Variants in PCDH15 observed in about 807,000 individuals in gnomAD.
PCDH15 encodes protocadherin related 15.
In PCDH15, 129 loss-of-function variants were observed where a neutral mutation model predicts 178.5. The observed-to-expected ratio is 0.72, with a 90% CI of 0.63 to 0.84. The LOEUF is 0.84. Ranked by LOEUF, PCDH15 falls within the 40% of genes least tolerant of loss-of-function variation. The pLI is 0.00. For missense variants in PCDH15, 2,230 were observed against 2,099.9 expected (o/e 1.06, Z -1.21); for synonymous variants, 800 against 732.0 (o/e 1.09, Z -1.50).
intron 20 of PCDH15, among the ~76,000 whole-genome samples, chr10:54,011,386 A>G (rs2092580347): frequency 1.3e-5 from 2 of 152,234 alleles, no homozygotes; most frequent in Admixed American, 1.3e-4. Context: ...GTGGAGCACC[A>G]AGAGACAAGT....
intron 1 of PCDH15, among the ~76,000 whole-genome samples, chr10:55,275,198 A>T (rs1319703260): frequency 1.3e-5 from 2 of 152,088 alleles, no homozygotes; most frequent in Non-Finnish European, 2.9e-5. Flanking sequence ...AAATTTATTC[A>T]TTCATAAGAA....
At position 54,739,565 on chromosome 10, in the gene PCDH15, A is replaced by G. The variant is rs1174783991; in HGVS notation, c.-29+61360T>C. On this transcript the variant is annotated intron_variant, in intron 1 of 37. Transcript: ENST00000644397. ...CAATGACATTCTTCACAAAATCGAA[A>G]AAAAAAAAAAGCTAAAATTTGTATG... 2.0e-5 allele frequency among the ~76,000 whole-genome samples: 3 copies of G among 151,560 alleles called. No individual in the cohort carries two copies. In the East Asian group the frequency reaches 5.8e-4, roughly 29 times the overall value.
intron 2 of PCDH15, among the ~76,000 whole-genome samples, chr10:55,569,163 A>G (rs1250783239): frequency 6.6e-6 from 1 of 152,038 alleles, no homozygotes; most frequent in African/African-American, 2.4e-5. Context: ...AATGACCTGG[A>G]TCTATAAGAT....
chr10:55,582,628 A>ATATATATATTTTTTTTTTTTTT (rs780312007), intron 2 of PCDH15, among the ~76,000 whole-genome samples: 1 of 69,032 alleles, frequency 1.4e-5, no homozygotes, highest in African/African-American at 6.6e-5. Flanking sequence ...ATATATATAT[A>ATATATATATTTTTTTTTTTTTT]TTTTTTTTTT....
intron 2 of PCDH15, among the ~76,000 whole-genome samples, chr10:55,560,575 C>T (rs1218613207): frequency 6.6e-6 from 1 of 151,846 alleles, no homozygotes; most frequent in East Asian, 1.9e-4. Flanking sequence ...CAAAAGTAAG[C>T]ATTTTGAAAG....
At chr10:54,448,876 C>G (rs1208713897) in intron 3 of PCDH15, among the ~76,000 whole-genome samples, 13 of 151,740 alleles carry the variant, frequency 8.6e-5, no homozygotes, top group Admixed American at 6.6e-5. Context: ...GTCTTTCGGG[C>G]ACAATGTGAA....
At chr10:54,067,032 T>G (rs1042841103) in intron 17 of PCDH15, 147 bp from the exon 18 acceptor site, 2 of 652,564 alleles carry the variant, frequency 3.1e-6, no homozygotes, top group East Asian at 3.4e-5. Context: ...AATAAAAAAA[T>G]AAAAAAATTA....
At chr10:53,823,397 G>T (rs2076444947) in intron 32 of PCDH15, 1 of 1,566,778 alleles carries the variant, frequency 6.4e-7, no homozygotes, top group Non-Finnish European at 8.8e-7. Context: ...AAGGAAACAA[G>T]TTGTGACACA....
At chr10:55,193,009 G>A (rs1332613428) in intron 1 of PCDH15, among the ~76,000 whole-genome samples, 1 of 115,248 alleles carries the variant, frequency 8.7e-6, no homozygotes, top group Non-Finnish European at 1.8e-5. Context: ...TTTGATAATT[G>A]CAAGATACTT....
intron 3 of PCDH15, among the ~76,000 whole-genome samples, chr10:54,889,063 A>AC (rs1429846640): frequency 1.3e-5 from 2 of 151,900 alleles, no homozygotes; most frequent in Admixed American, 1.3e-4. Context: ...ACAGGCCAAA[A>AC]CCAAGTTATG....
chr10:54,219,693 G>A (rs2052569838), intron 9 of PCDH15, among the ~76,000 whole-genome samples: 1 of 146,976 alleles, frequency 6.8e-6, no homozygotes, highest in African/African-American at 2.5e-5. Flanking sequence ...CCCTTTCCGA[G>A]AAAAACAAAA....
Position 53,897,437 on chromosome 10 carries a change from C to T in PCDH15, c.3501+5806G>A, listed in dbSNP as rs2593121. On this transcript the variant is annotated intron_variant, in intron 26 of 37. Transcript: ENST00000644397. The stretch of plus-strand genomic sequence containing the variant: ...GTTTAAAAAATTTTAAAGTTTAAAA[C>T]ATTTTATAAATTAAAAATAGTTTAA... Among the ~76,000 whole-genome samples, 3 of 152,174 alleles carry T rather than the reference C, an allele frequency of 2.0e-5. No individual in the cohort carries two copies. The South Asian group carries it at 6.2e-4, about 32-fold the overall frequency.
intron 1 of PCDH15, among the ~76,000 whole-genome samples, chr10:55,216,694 T>C (rs1179934117): frequency 6.6e-6 from 1 of 151,942 alleles, no homozygotes; most frequent in Non-Finnish European, 1.5e-5. Context: ...TTAAAACATG[T>C]TGTACTCCAT....
At chr10:53,957,099 T>A (rs2087685953) in intron 23 of PCDH15, among the ~76,000 whole-genome samples, 1 of 152,186 alleles carries the variant, frequency 6.6e-6, no homozygotes, top group Non-Finnish European at 1.5e-5. Context: ...GAGCTCTAAA[T>A]GAAAACCTAG....
chr10:55,414,834 T>C (rs1432031880), intron 2 of PCDH15, among the ~76,000 whole-genome samples: 1 of 150,562 alleles, frequency 6.6e-6, no homozygotes, highest in Non-Finnish European at 1.5e-5. Flanking sequence ...ATAGAGTCTT[T>C]AGGGTTTTCT....
At chr10:54,829,316 C>T (rs1387923976) in intron 3 of PCDH15, among the ~76,000 whole-genome samples, 1 of 151,924 alleles carries the variant, frequency 6.6e-6, no homozygotes, top group Non-Finnish European at 1.5e-5. Context: ...AATTGCAGAA[C>T]TGTAACCAAT....
intron 2 of PCDH15, among the ~76,000 whole-genome samples, chr10:55,395,287 G>A (rs746277210): frequency 1.7e-4 from 25 of 151,192 alleles, no homozygotes; most frequent in Non-Finnish European, 2.2e-4. Flanking sequence ...ACTTTAATGC[G>A]TTATAAACCT....
At chr10:55,000,102 G>C (rs1839764483) in intron 2 of PCDH15, among the ~76,000 whole-genome samples, 1 of 152,174 alleles carries the variant, frequency 6.6e-6, no homozygotes, top group Non-Finnish European at 1.5e-5. Context: ...CTTATCAGGA[G>C]ACATGGTTTG....
intron 8 of PCDH15, among the ~76,000 whole-genome samples, chr10:54,266,301 A>G (rs2057684224): frequency 6.6e-6 from 1 of 152,052 alleles, no homozygotes; most frequent in East Asian, 1.9e-4. Flanking sequence ...TCTGGGATGC[A>G]ACGATAGCAG....
Sources: allele counts gnomAD v4.1 joint callset (sites outside exome capture counted in the v4.1 genomes callset), GRCh38; gene constraint gnomAD v4.1.1; transcripts MANE v1.5; gene names NCBI Gene and HGNC (gene_info 2026-07-23, HGNC 2026-07-21).